PECR: variants seen among roughly 807,000 people sequenced by gnomAD.
The protein encoded by PECR is 2,4-dienoyl-CoA reductase-related protein.
Under a neutral mutation model 35.3 loss-of-function variants are expected in PECR, and 30 were observed. That is an observed-to-expected ratio of 0.85 (90% CI 0.64 to 1.15). The LOEUF (loss-of-function observed/expected upper bound fraction) is 1.15. Among genes scored for constraint, PECR ranks in the 50% most tolerant of loss-of-function variants. The pLI is 0.00. For missense variants in PECR, 392 were observed against 370.8 expected (o/e 1.06, Z -0.47); for synonymous variants, 148 against 138.9 (o/e 1.07, Z -0.46).
rs761337775 is a variant in PECR at position 216,049,264 on chromosome 2, T to C, written c.713A>G (p.Glu238Gly). Residue 238 changes from glutamate to glycine, a missense_variant and splice_region_variant, in exon 6 of 8, where the codon GAG becomes GGG. Physicochemically the swap from Glu to Gly is moderately conservative, Grantham distance 98. Coordinates refer to ENST00000265322, the MANE Select transcript of PECR (RefSeq NM_018441.6). ...ATCAATGCTGGAAATATACCTTACCTCCTCAGGAACACCAATTCGTTTAGC... is the reference window on the plus strand; with the variant it reads ...ATCAATGCTGGAAATATACCTTACCCCCTCAGGAACACCAATTCGTTTAGC... ...IPAKRIGVPE[E>G]VSSVVCFLLS... is the part of the protein sequence containing the mutation. 18 of 1,429,162 alleles carry C rather than the reference T, an allele frequency of 1.3e-5. No homozygotes were observed. Among genetic ancestry groups the C allele is most frequent in the Non-Finnish European group, 1.8e-5 (18 of 1,011,088 alleles). 88.5% of individuals were successfully genotyped at this position (1,429,162 alleles called of 1,614,324 possible).
intron 1 of PECR, among the ~76,000 whole-genome samples, chr2:216,074,700 T>C (rs1172278090): frequency 3.3e-5 from 5 of 152,192 alleles, no homozygotes; most frequent in Admixed American, 3.3e-4. Flanking sequence ...TTATAACTAG[T>C]TACTATCTGA....
At chr2:216,076,436 T>C (rs560968910) in intron 1 of PECR, among the ~76,000 whole-genome samples, 1 of 152,290 alleles carries the variant, frequency 6.6e-6, no homozygotes, top group East Asian at 1.9e-4. Flanking sequence ...AAATGGAAAT[T>C]ACCTAAAAAT....
At chr2:216,042,769 T>C (rs1037194006) in intron 7 of PECR, among the ~76,000 whole-genome samples, 1 of 151,904 alleles carries the variant, frequency 6.6e-6, no homozygotes, top group African/African-American at 2.4e-5. Context: ...TCTGGTTTTT[T>C]TTCTTGAGAC....
chr2:216,036,282 C>T (rs1694791883), downstream of PECR, among the ~76,000 whole-genome samples: 1 of 152,210 alleles, frequency 6.6e-6, no homozygotes. Context: ...GATGCATGTC[C>T]CCAGTAGGTT....
At chr2:216,059,384 A>C (rs1275521408) in intron 3 of PECR, among the ~76,000 whole-genome samples, 9 of 152,214 alleles carry the variant, frequency 5.9e-5, no homozygotes, top group Admixed American at 3.9e-4. Context: ...TTCCACTTAG[A>C]ATCATGTTTG....
At chr2:216,079,851 C>T (rs542442159) in intron 1 of PECR, among the ~76,000 whole-genome samples, 7 of 148,214 alleles carry the variant, frequency 4.7e-5, no homozygotes, top group African/African-American at 1.5e-4. Flanking sequence ...CAAGGTAGTG[C>T]GTGCCTGTAA....
At chr2:216,057,446 G>C (rs942885303) in intron 4 of PECR, among the ~76,000 whole-genome samples, 3 of 152,118 alleles carry the variant, frequency 2.0e-5, no homozygotes, top group Non-Finnish European at 4.4e-5. Context: ...ATACAGAATA[G>C]TGTTTATAGC....
chr2:216,035,488 C>CTT (rs535525763), downstream of PECR, among the ~76,000 whole-genome samples: 18 of 127,836 alleles, frequency 1.4e-4, no homozygotes, highest in South Asian at 2.5e-4. Flanking sequence ...GAGGGCTCTT[C>CTT]TTTTTTTTTT....
At chr2:216,063,446 C>T (rs768476570) in intron 3 of PECR, among the ~76,000 whole-genome samples, 2 of 151,864 alleles carry the variant, frequency 1.3e-5, no homozygotes, top group Non-Finnish European at 2.9e-5. Flanking sequence ...GGTGAAACCC[C>T]GTCTCTACTA....
intron 1 of PECR, among the ~76,000 whole-genome samples, chr2:216,067,141 G>C (rs556926284): frequency 6.6e-6 from 1 of 152,096 alleles, no homozygotes. Context: ...TCTCCCTGGC[G>C]GAAGAGATGA....
intron 3 of PECR, among the ~76,000 whole-genome samples, chr2:216,062,009 GAGAA>G (rs1306927488): frequency 6.6e-6 from 1 of 151,626 alleles, no homozygotes; most frequent in Non-Finnish European, 1.5e-5. Flanking sequence ...GGGAGAGAGA[GAGAA>G]AGAGAGATCA....
chr2:216,073,150 T>C (rs1695619339), intron 1 of PECR, among the ~76,000 whole-genome samples: 1 of 152,198 alleles, frequency 6.6e-6, no homozygotes, highest in African/African-American at 2.4e-5. Context: ...TTTATCAAAA[T>C]ATATAATGTG....
intron 7 of PECR, among the ~76,000 whole-genome samples, chr2:216,040,974 C>G (rs1694876720): frequency 6.6e-6 from 1 of 152,114 alleles, no homozygotes; most frequent in Non-Finnish European, 1.5e-5. Flanking sequence ...AAAATAGAGG[C>G]TTATAGAAAT....
At chr2:216,075,744 C>A (rs184651617) in intron 1 of PECR, among the ~76,000 whole-genome samples, 1 of 152,268 alleles carries the variant, frequency 6.6e-6, no homozygotes, top group East Asian at 1.9e-4. Flanking sequence ...GATCCCTTTC[C>A]ATCTTCAACT....
intron 1 of PECR, among the ~76,000 whole-genome samples, chr2:216,074,289 A>T (rs1044427056): frequency 6.6e-6 from 1 of 152,136 alleles, no homozygotes; most frequent in Admixed American, 6.5e-5. Flanking sequence ...TACTAAAAAT[A>T]CAAAAAAATT....
At chr2:216,041,121 T>C (rs1288698549) in intron 7 of PECR, among the ~76,000 whole-genome samples, 1 of 152,210 alleles carries the variant, frequency 6.6e-6, no homozygotes, top group Admixed American at 6.5e-5. Flanking sequence ...GGGGGCAGTA[T>C]ATTCTTAAAA....
chr2:216,044,041 T>C (rs772568764), intron 6 of PECR, 26 bp from the exon 7 acceptor site: 2 of 1,243,582 alleles, frequency 1.6e-6, no homozygotes, highest in African/African-American at 2.9e-5. Context: ...CACATGTGCA[T>C]AGGTAAAAGC....
At position 216,039,093 on chromosome 2, in the gene PECR, A is replaced by T. The variant is rs930639000; in HGVS notation, c.*182T>A. 6 of 522,482 alleles carry T rather than the reference A, an allele frequency of 1.1e-5. No homozygotes were observed. In the East Asian group the frequency reaches 1.6e-4, roughly 14 times the overall value. 32.4% of individuals were successfully genotyped at this position (522,482 alleles called of 1,614,324 possible). On this transcript the variant is annotated 3_prime_UTR_variant, in exon 8 of 8. Transcript: ENST00000265322. ...ATACATTTTTAAATCATAGGTTAAA[A>T]GACTCTGATTGGGACATAAGACTGT...
At position 216,043,972 on chromosome 2, in the gene PECR, A is replaced by T. The variant is rs1694946061; in HGVS notation, c.758T>A (p.Phe253Tyr). 1 of 1,612,600 alleles carries T rather than the reference A, an allele frequency of 6.2e-7. No homozygotes were observed. The highest frequency in any genetic ancestry group is 8.5e-7 in the Non-Finnish European group (1 of 1,178,758). Residue 253 changes from phenylalanine (F) to tyrosine (Y), a missense_variant, in exon 7 of 8, where the codon TTC becomes TAC. Coordinates refer to ENST00000265322, the MANE Select transcript of PECR (RefSeq NM_018441.6). ...CACATCCACCGACTGTCCAGTGATG[A>T]AGGAAGCTGCAGGAGACAGTAGGAA... ...VCFLLSPAASFITGQSVDVDG... is the reference protein window; with the variant it reads ...VCFLLSPAASYITGQSVDVDG...
Sources: gnomAD v4.1 joint callset for allele counts (sites outside exome capture counted in the v4.1 genomes callset) on GRCh38, gnomAD v4.1.1 for gene constraint, MANE v1.5 for transcripts, NCBI Gene and HGNC (gene_info 2026-07-23, HGNC 2026-07-21) for gene names.